The following GALNT5 variants were observed in gnomAD, a reference collection of about 807,000 sequenced individuals.
The protein encoded by GALNT5 is UDP-GalNAc:polypeptide N-acetylgalactosaminyltransferase 5.
Under a neutral mutation model 85.4 loss-of-function variants are expected in GALNT5, and 72 were observed. The observed-to-expected ratio is 0.84, with a 90% CI of 0.70 to 1.03. The LOEUF (loss-of-function observed/expected upper bound fraction) is 1.03. Among genes scored for constraint, GALNT5 ranks in the 50% least tolerant of loss-of-function variants. GALNT5 has a pLI of 0.00. For missense variants in GALNT5, 1,137 were observed against 1,135.5 expected (o/e 1.00, Z -0.02); for synonymous variants, 404 against 397.0 (o/e 1.02, Z -0.21).
At position 157,291,346 on chromosome 2, in the gene GALNT5, C is replaced by G. The variant is rs114871422; in HGVS notation, c.1742-4317C>G. Among the ~76,000 whole-genome samples the G allele has an allele frequency of 6.0e-3, 907 of 152,308 alleles. 9 individuals carry two copies. Among genetic ancestry groups the G allele is most frequent in the African/African-American group, 0.02 (828 of 41,560 alleles). On this transcript the variant is annotated intron_variant, in intron 3 of 9. Coordinates refer to ENST00000259056, the MANE Select transcript of GALNT5 (RefSeq NM_014568.3). ...TGGACAAGTGACATCTAACTCCTAG[C>G]AAACTCCAAGGTCTCCTAAAAAGCA...
At chr2:157,262,305 A>G (rs573621091) in intron 1 of GALNT5, among the ~76,000 whole-genome samples, 2 of 151,996 alleles carry the variant, frequency 1.3e-5, no homozygotes, top group African/African-American at 4.8e-5. Flanking sequence ...ACATCATCTT[A>G]AAGATGAATG....
chr2:157,281,388 A>G (rs1394907588), intron 1 of GALNT5, among the ~76,000 whole-genome samples: 1 of 152,200 alleles, frequency 6.6e-6, no homozygotes, highest in African/African-American at 2.4e-5. Context: ...AAAATGGCCT[A>G]ATACACCAAG....
At chr2:157,271,635 C>T (rs1222659616) in intron 1 of GALNT5, among the ~76,000 whole-genome samples, 1 of 152,060 alleles carries the variant, frequency 6.6e-6, no homozygotes, top group African/African-American at 2.4e-5. Context: ...GATGAGAATC[C>T]ATATTTCTGC....
At chr2:157,301,081 G>A (rs952840048) in intron 7 of GALNT5, 82 bp downstream of exon 7, 3 of 951,496 alleles carry the variant, frequency 3.2e-6, no homozygotes, top group African/African-American at 1.6e-5. Context: ...GAAAGAATGA[G>A]TAATTACATT....
chr2:157,298,089 A>C (rs1173087328), intron 5 of GALNT5, among the ~76,000 whole-genome samples: 1 of 152,204 alleles, frequency 6.6e-6, no homozygotes, highest in Non-Finnish European at 1.5e-5. Flanking sequence ...CGCTGTCAGT[A>C]AAGTTTGTGT....
rs897929166 is a variant in GALNT5, at chr2:157,312,623, A to G, written c.*1275A>G. ...CAGAAGACACCTTAGAAATCAGGATAGCCTTTGCATTCATTTTGGTAAGAA... is the reference window on the plus strand; with the variant it reads ...CAGAAGACACCTTAGAAATCAGGATGGCCTTTGCATTCATTTTGGTAAGAA... On this transcript the variant is annotated 3_prime_UTR_variant, in exon 10 of 10. Transcript: ENST00000259056. 6 of 152,224 alleles carry G rather than the reference A, an allele frequency of 3.9e-5. No individual in the cohort carries two copies. The highest frequency in any genetic ancestry group is 7.3e-5 in the Non-Finnish European group (5 of 68,030). The allele number at this position is 152,224 out of a possible 1,614,324, so 9.4% of individuals were successfully genotyped here.
At chr2:157,296,317 C>G (rs895577067) in intron 4 of GALNT5, 77 bp from the exon 5 acceptor site, 1 of 1,154,062 alleles carries the variant, frequency 8.7e-7, no homozygotes, top group African/African-American at 1.5e-5. Flanking sequence ...TTGATTACAT[C>G]GTGAAGCCAA....
At chr2:157,282,987 A>G (rs1029421904) in intron 1 of GALNT5, among the ~76,000 whole-genome samples, 1 of 152,220 alleles carries the variant, frequency 6.6e-6, no homozygotes, top group Non-Finnish European at 1.5e-5. Context: ...TATTTATGGA[A>G]TAAGTAAAGT....
chr2:157,302,543 TA>T (rs1683365042), intron 7 of GALNT5: 1 of 150,078 alleles, frequency 6.7e-6, no homozygotes, highest in Non-Finnish European at 1.5e-5. Flanking sequence ...AATATAACTG[TA>T]AAATAAATTT....
chr2:157,310,681 TC>T (rs1349852529), intron 9 of GALNT5, among the ~76,000 whole-genome samples: 1 of 152,228 alleles, frequency 6.6e-6, no homozygotes, highest in Non-Finnish European at 1.5e-5. Flanking sequence ...AATATAACTT[TC>T]TTTAATGCTG....
chr2:157,303,896 C>A (rs1683400513), intron 7 of GALNT5, among the ~76,000 whole-genome samples: 1 of 152,164 alleles, frequency 6.6e-6, no homozygotes, highest in Non-Finnish European at 1.5e-5. Context: ...TCTCAGGGTT[C>A]CATGGTCAAG....
intron 3 of GALNT5, among the ~76,000 whole-genome samples, chr2:157,291,027 A>G (rs2105150709): frequency 6.6e-6 from 1 of 152,326 alleles, no homozygotes; most frequent in South Asian, 2.1e-4. Flanking sequence ...GTAGGATTTT[A>G]AAATTGACAG....
At chr2:157,307,508 C>T (rs1683478817) in intron 8 of GALNT5, among the ~76,000 whole-genome samples, 1 of 152,174 alleles carries the variant, frequency 6.6e-6, no homozygotes, top group African/African-American at 2.4e-5. Flanking sequence ...TTCCATGCTT[C>T]CTACATGTTA....
Position 157,300,748 on chromosome 2 carries a change from C to A in GALNT5, c.2188C>A (p.Pro730Thr), listed in dbSNP as rs780905989. 6.2e-7 allele frequency: 1 copy of A among 1,613,926 alleles called. No individual in the cohort carries two copies. Among genetic ancestry groups the A allele is most frequent in the Non-Finnish European group, 8.5e-7 (1 of 1,179,858 alleles). Residue 730 changes from proline to threonine, a missense_variant, in exon 7 of 10, where the codon CCA becomes ACA. Transcript: ENST00000259056. ...GGGCCATATATTCAGAAATGACAAT[C>A]CATATTCCTTCCCCAAAGACCGGAT... ...RVGHIFRNDN[P>T]YSFPKDRMKT...
In GALNT5 at chr2:157,258,139, T is replaced by C. The variant is rs746351318; in HGVS notation, c.57T>C (p.Phe19=). The C allele has an allele frequency of 3.7e-6, 6 of 1,613,978 alleles. No individual in the cohort carries two copies. In the Admixed American group the frequency reaches 1.0e-4, roughly 27 times the overall value. The change falls in exon 1 of 10, where the codon TTT becomes TTC. Residue 19 remains phenylalanine, a synonymous_variant. Coordinates refer to ENST00000259056, the MANE Select transcript of GALNT5 (RefSeq NM_014568.3). ...GTGGGCGAGTCTTGGCATTTATCTT[T>C]GTAGCTTCTGTCATCTGGCTCCTCT... ...RGSGRVLAFI[F]VASVIWLLFD...
rs550856377 is a variant in GALNT5 at position 157,311,959 on chromosome 2, T to C, written c.*611T>C. Reference sequence around the variant, plus strand: ...TAAATTACATAATGGTTTTTCCCAATCTGAATCAGTGGAAAAAAATTTAAG... The same window carrying C: ...TAAATTACATAATGGTTTTTCCCAACCTGAATCAGTGGAAAAAAATTTAAG... On this transcript the variant is annotated 3_prime_UTR_variant, in exon 10 of 10. Transcript: ENST00000259056. 1 of 152,278 alleles carries C rather than the reference T, an allele frequency of 6.6e-6. No homozygotes were observed. Among genetic ancestry groups the C allele is most frequent in the East Asian group, 1.9e-4 (1 of 5,184 alleles). 9.4% of individuals were successfully genotyped at this position (152,278 alleles called of 1,614,324 possible).
At position 157,258,154 on chromosome 2, in the gene GALNT5, C is replaced by A; in HGVS notation, c.72C>A (p.Ile24=). The A allele has an allele frequency of 6.2e-7, 1 of 1,614,080 alleles. No individual in the cohort carries two copies. The highest frequency in any genetic ancestry group is 8.5e-7 in the Non-Finnish European group (1 of 1,179,982). The stretch of plus-strand genomic sequence containing the variant: ...CATTTATCTTTGTAGCTTCTGTCAT[C>A]TGGCTCCTCTTTGACATGGCAGCTC... ...VLAFIFVASV[I]WLLFDMAALR... The change falls in exon 1 of 10, where the codon ATC becomes ATA. Residue 24 remains isoleucine (I), a synonymous_variant. Coordinates refer to ENST00000259056, the MANE Select transcript of GALNT5 (RefSeq NM_014568.3).
chr2:157,265,844 A>T (rs1237956446), intron 1 of GALNT5, among the ~76,000 whole-genome samples: 1 of 152,246 alleles, frequency 6.6e-6, no homozygotes, highest in Non-Finnish European at 1.5e-5. Context: ...CTGGAAAAAC[A>T]GCTATATTAT....
At chr2:157,304,064 A>C (rs1242500905) in intron 7 of GALNT5, among the ~76,000 whole-genome samples, 1 of 152,244 alleles carries the variant, frequency 6.6e-6, no homozygotes, top group Non-Finnish European at 1.5e-5. Context: ...CATGATCCAC[A>C]AATACAGGAG....
Sources: allele counts gnomAD v4.1 joint callset (sites outside exome capture counted in the v4.1 genomes callset), GRCh38; gene constraint gnomAD v4.1.1; transcripts MANE v1.5; gene names NCBI Gene and HGNC (gene_info 2026-07-23, HGNC 2026-07-21).